Variants in VLDLR observed in about 807,000 individuals in gnomAD.
VLDLR encodes the protein very low-density lipoprotein receptor.
VLDLR carries 81 observed loss-of-function variants against 112.7 expected under a neutral mutation model. The ratio of observed to expected loss-of-function variants is 0.72; its 90% CI spans 0.60 to 0.86. The LOEUF is 0.86. Ranked by LOEUF, VLDLR falls within the 40% of genes least tolerant of loss-of-function variation. VLDLR has a pLI of 0.00. For synonymous variants in VLDLR, 436 were observed against 384.8 expected (o/e 1.13, Z -1.56); for missense variants, 1,237 against 1,099.4 (o/e 1.13, Z -1.77).
At chr9:2,635,828 T>TGGGAGAA (rs1469765702) in intron 2 of VLDLR, among the ~76,000 whole-genome samples, 1 of 152,142 alleles carries the variant, frequency 6.6e-6, no homozygotes, top group African/African-American at 2.4e-5. Context: ...AATAGGAATC[T>TGGGAGAA]GGGAGAAGGG....
intron 1 of VLDLR, among the ~76,000 whole-genome samples, chr9:2,631,633 G>A (rs1817355544): frequency 1.3e-5 from 2 of 152,064 alleles, no homozygotes; most frequent in Non-Finnish European, 1.5e-5. Flanking sequence ...GGAGGTAGAT[G>A]GTAGAAAGAT....
chr9:2,634,460 C>G (rs1817510614), intron 1 of VLDLR, among the ~76,000 whole-genome samples: 2 of 152,172 alleles, frequency 1.3e-5, no homozygotes, highest in Admixed American at 1.3e-4. Flanking sequence ...ACATCTGTGC[C>G]TTTTATCGTG....
At chr9:2,629,578 A>T (rs1817244587) in intron 1 of VLDLR, among the ~76,000 whole-genome samples, 1 of 152,226 alleles carries the variant, frequency 6.6e-6, no homozygotes, top group South Asian at 2.1e-4. Flanking sequence ...AGGATTAAGA[A>T]TTTTAAAAGC....
chr9:2,651,385 T>C lies in VLDLR; in HGVS notation c.2252-30T>C, dbSNP rs34811022. 61,358 of 1,587,714 alleles carry C rather than the reference T, an allele frequency of 0.039. 1,586 individuals are homozygous for C. The highest frequency in any genetic ancestry group is 0.12 in the African/African-American group (8,702 of 74,508). On this transcript the variant is annotated intron_variant, in intron 15 of 18. Transcript: ENST00000382100. The stretch of plus-strand genomic sequence containing the variant: ...AGCTAGCCATGCTGGAACCCTGGCA[T>C]TAACCAGGTTCTTGGTTTTTATAAT...
intron 16 of VLDLR, 142 bp from the exon 17 acceptor site, chr9:2,651,732 G>A: frequency 1.0e-6 from 1 of 965,350 alleles, no homozygotes; most frequent in Non-Finnish European, 1.6e-6. Flanking sequence ...ATACTTCTAA[G>A]CCAGAGTTGT....
intron 1 of VLDLR, among the ~76,000 whole-genome samples, chr9:2,626,605 A>C (rs2130760264): frequency 1.3e-5 from 2 of 152,332 alleles, no homozygotes; most frequent in East Asian, 3.9e-4. Context: ...GCTTGCTTAG[A>C]GATCCTTTGC....
chr9:2,643,441 A>G lies in VLDLR; in HGVS notation c.730A>G (p.Ile244Val). The G allele has an allele frequency of 6.2e-7, 1 of 1,614,170 alleles. No individual in the cohort carries two copies. Among genetic ancestry groups the G allele is most frequent in the Non-Finnish European group, 8.5e-7 (1 of 1,180,030 alleles). The stretch of plus-strand genomic sequence containing the variant: ...ACACACCAAGTGTCCAGCCAGCGAA[A>G]TCCAGTGCGGCTCTGGCGAGTGCAT... ...VIHTKCPASE[I>V]QCGSGECIHK... Residue 244 changes from isoleucine (I) to valine (V), a missense_variant, in exon 5 of 19, where the codon ATC (isoleucine) becomes GTC (valine). Coordinates refer to ENST00000382100, the MANE Select transcript of VLDLR (RefSeq NM_003383.5).
chr9:2,651,502 T>C lies in VLDLR; in HGVS notation c.2335+4T>C, dbSNP rs769804360. 3.7e-6 allele frequency: 6 copies of C among 1,612,094 alleles called. No homozygotes were observed. The highest frequency in any genetic ancestry group is 2.2e-5 in the South Asian group (2 of 91,012). On this transcript the variant is annotated splice_donor_region_variant and intron_variant, in intron 16 of 18. Transcript: ENST00000382100. Reference sequence around the variant, plus strand: ...ACTAGTGGACTAGTTCCTGGAGGTATTGAGTTCAGTACTGCAAACTGTTAA... The same window carrying C: ...ACTAGTGGACTAGTTCCTGGAGGTACTGAGTTCAGTACTGCAAACTGTTAA...
chr9:2,642,017 G>T (rs1251214795), intron 4 of VLDLR, among the ~76,000 whole-genome samples: 2 of 150,164 alleles, frequency 1.3e-5, no homozygotes, highest in Non-Finnish European at 3.0e-5. Flanking sequence ...TCTTGCCTCA[G>T]ATACCCAAAG....
Position 2,647,478 on chromosome 9 carries a change from G to C in VLDLR, c.1708G>C (p.Val570Leu). The C allele has an allele frequency of 5.6e-6, 9 of 1,613,596 alleles. No homozygotes were observed. The highest frequency in any genetic ancestry group is 7.6e-6 in the Non-Finnish European group (9 of 1,179,588). Reference protein sequence around the residue: ...SIAVDPLSGFVYWSDWGEPAK... With the variant: ...SIAVDPLSGFLYWSDWGEPAK... Reference sequence around the variant, plus strand: ...TTCTCATTTAATTTTTCACAGCTTTGTTTACTGGTCAGACTGGGGTGAACC... The same window carrying C: ...TTCTCATTTAATTTTTCACAGCTTTCTTTACTGGTCAGACTGGGGTGAACC... The change falls in exon 12 of 19, where the codon GTT (valine) becomes CTT (leucine). Residue 570 changes from valine to leucine, a missense_variant. Physicochemically the swap from Val to Leu is conservative, Grantham distance 32 (BLOSUM62 1). Transcript: ENST00000382100.
At chr9:2,631,318 C>G (rs1438108266) in intron 1 of VLDLR, among the ~76,000 whole-genome samples, 2 of 152,218 alleles carry the variant, frequency 1.3e-5, no homozygotes, top group Non-Finnish European at 2.9e-5. Flanking sequence ...TACTGGGTAT[C>G]TACCCAAAGG....
intron 4 of VLDLR, among the ~76,000 whole-genome samples, chr9:2,641,964 C>T (rs1817852852): frequency 6.8e-6 from 1 of 147,194 alleles, no homozygotes; most frequent in Non-Finnish European, 1.5e-5. Context: ...GCATAACTTT[C>T]CCAGAAAAAA....
chr9:2,635,662 C>G lies in VLDLR; in HGVS notation c.202+90C>G, dbSNP rs529491528. On this transcript the variant is annotated intron_variant, in intron 2 of 18. Transcript: ENST00000382100. ...GTATTGAGATTCTGAAAATAAAATCCACTTCTAACAATTGCTTTGAAAGAA... is the reference window on the plus strand; with the variant it reads ...GTATTGAGATTCTGAAAATAAAATCGACTTCTAACAATTGCTTTGAAAGAA... 6 of 1,584,088 alleles carry G rather than the reference C, an allele frequency of 3.8e-6. No homozygotes were observed. The African/African-American group carries it at 6.7e-5, about 18-fold the overall frequency.
At position 2,658,159 on chromosome 9, in the gene VLDLR, C is replaced by G. The variant is rs1049689260; in HGVS notation, c.*4291C>G. ...GGATTATCAGCCATCTTTGCATATC[C>G]CTTTCACATCTACCTTCACACAGGA... is the stretch of plus-strand genomic sequence containing the variant. On this transcript the variant is annotated 3_prime_UTR_variant, in exon 19 of 19. Transcript: ENST00000382100. 2.6e-5 allele frequency: 4 copies of G among 152,168 alleles called. No individual in the cohort carries two copies. The highest frequency in any genetic ancestry group is 9.7e-5 in the African/African-American group (4 of 41,434). 9.4% of individuals were successfully genotyped at this position (152,168 alleles called of 1,614,324 possible). A position where few individuals can be genotyped will look rare whatever the true frequency, so the allele number is the denominator to read the frequency against.
chr9:2,645,082 G>C lies in VLDLR; in HGVS notation c.1312G>C (p.Gly438Arg). Reference protein sequence around the residue: ...DLATGVCKAVGKEPSLIFTNR... With the variant: ...DLATGVCKAVRKEPSLIFTNR... ...TGCTACTGGCGTGTGCAAGGCAGTA[G>C]GTAAATGAACTTGGACTGGTATGGC... The change falls in exon 9 of 19, where the codon GGC becomes CGC. Residue 438 changes from glycine (G) to arginine (R), a missense_variant and splice_region_variant. By Grantham distance (125) the Gly-to-Arg change is moderately radical (BLOSUM62 -2). Coordinates refer to ENST00000382100, the MANE Select transcript of VLDLR (RefSeq NM_003383.5). 6.2e-7 allele frequency: 1 copy of C among 1,614,124 alleles called. No homozygotes were observed. The highest frequency in any genetic ancestry group is 1.6e-4 in the Middle Eastern group (1 of 6,062).
chr9:2,654,890 G>GAA lies in VLDLR; in HGVS notation c.*1024_*1025dup, dbSNP rs35790034. On this transcript the variant is annotated 3_prime_UTR_variant, in exon 19 of 19. Transcript: ENST00000382100. ...GCATGGATAAGGGCTTTCTTCTTAT[G>GAA]AAAGTCTAGACTGTCTTACTGTGAA... The GAA allele has an allele frequency of 0.16, 23,845 of 152,214 alleles. 2,138 individuals carry two copies. The highest frequency in any genetic ancestry group is 0.2 in the Non-Finnish European group (13,310 of 67,992). 9.4% of individuals were successfully genotyped at this position (152,214 alleles called of 1,614,324 possible). A position where few individuals can be genotyped will look rare whatever the true frequency, so the allele number is the denominator to read the frequency against.
In VLDLR at chr9:2,652,817, G is replaced by T. The variant is rs1172354387; in HGVS notation, c.2454G>T (p.Met818Ile). The change falls in exon 18 of 19, where the codon ATG (methionine) becomes ATT (isoleucine). Residue 818 changes from methionine to isoleucine, a missense_variant. Met to Ile is a conservative substitution (Grantham distance 10, BLOSUM62 1). Coordinates refer to ENST00000382100, the MANE Select transcript of VLDLR (RefSeq NM_003383.5). ...LVMAAVGGYL[M>I]WRNWQHKNMK... ...TGGCAGCAGTAGGTGGCTACTTGAT[G>T]TGGCGGAATTGGCAACACAAGAACA... 1.2e-6 allele frequency: 2 copies of T among 1,614,094 alleles called. No individual in the cohort carries two copies. Among genetic ancestry groups the T allele is most frequent in the South Asian group, 2.2e-5 (2 of 91,080 alleles).
chr9:2,639,610 G>A (rs1009533740), intron 2 of VLDLR, among the ~76,000 whole-genome samples: 2 of 152,194 alleles, frequency 1.3e-5, no homozygotes, highest in Admixed American at 1.3e-4. Context: ...TCTCCGAGTT[G>A]TAAGATAATG....
At chr9:2,642,708 T>A (rs1045797494) in intron 4 of VLDLR, among the ~76,000 whole-genome samples, 5 of 152,182 alleles carry the variant, frequency 3.3e-5, no homozygotes, top group African/African-American at 1.2e-4. Flanking sequence ...CCATATATGG[T>A]GGTATGTGGT....
Sources: gnomAD v4.1 joint callset for allele counts (sites outside exome capture counted in the v4.1 genomes callset) on GRCh38, gnomAD v4.1.1 for gene constraint, MANE v1.5 for transcripts, NCBI Gene and HGNC (gene_info 2026-07-23, HGNC 2026-07-21) for gene names.